The following GPD1L variants were observed in gnomAD, a reference collection of about 807,000 sequenced individuals.
GPD1L encodes the protein glycerol-3-phosphate dehydrogenase 1 like, also known as glycerol-3-phosphate dehydrogenase 1-like protein.
Under a neutral mutation model 32.9 loss-of-function variants are expected in GPD1L, and 17 were observed. That is an observed-to-expected ratio of 0.52 (90% confidence interval 0.35 to 0.78). The LOEUF (loss-of-function observed/expected upper bound fraction) is 0.78. Ranked by LOEUF, GPD1L falls within the 30% of genes least tolerant of loss-of-function variation. The probability of loss-of-function intolerance (pLI) is 0.01; values close to 1 mark genes in which losing one functional copy is unlikely to be tolerated. For missense variants in GPD1L, 361 were observed against 447.8 expected (o/e 0.81, Z 1.75); for synonymous variants, 187 against 165.9 (o/e 1.13, Z -0.98).
At chr3:32,129,565 G>T (rs1700558046) in intron 2 of GPD1L, among the ~76,000 whole-genome samples, 2 of 152,168 alleles carry the variant, frequency 1.3e-5, no homozygotes, top group Admixed American at 1.3e-4. Context: ...CTTGTCCAGG[G>T]TCACACAGCT....
At chr3:32,115,284 T>C (rs9880273) in intron 1 of GPD1L, among the ~76,000 whole-genome samples, 61,559 of 151,106 alleles carry the variant, frequency 0.41, 14,163 homozygotes, top group East Asian at 0.64. Flanking sequence ...CTGACTGGTG[T>C]GTTTTTCCAG....
rs535903516 is a variant in GPD1L at position 32,154,663 on chromosome 3, G to A, written c.619-4213G>A. Among the ~76,000 whole-genome samples, 52 of 152,214 alleles carry A rather than the reference G, an allele frequency of 3.4e-4. No individual in the cohort carries two copies. The South Asian group carries it at 0.01, about 30-fold the overall frequency. ...ACCTGCCCTGTGACAATGTTGTGAG[G>A]TTTAAATGAGGTAATAATATATGAA... On this transcript the variant is annotated intron_variant, in intron 5 of 7. Transcript: ENST00000282541.
At chr3:32,133,012 T>C (rs1700608467) in intron 2 of GPD1L, among the ~76,000 whole-genome samples, 1 of 152,202 alleles carries the variant, frequency 6.6e-6, no homozygotes, top group Non-Finnish European at 1.5e-5. Flanking sequence ...AATTACGCTA[T>C]TTTTGAGCCT....
chr3:32,158,497 G>A (rs942256021), intron 5 of GPD1L: 13 of 341,132 alleles, frequency 3.8e-5, no homozygotes, highest in Non-Finnish European at 7.3e-5. Flanking sequence ...CGTGCACTTA[G>A]GATTTGTGTA....
chr3:32,113,438 A>T (rs1700282393), intron 1 of GPD1L, among the ~76,000 whole-genome samples: 1 of 151,540 alleles, frequency 6.6e-6, no homozygotes, highest in Non-Finnish European at 1.5e-5. Flanking sequence ...GCCAAGTAGC[A>T]TCCCCAAGTC....
At chr3:32,129,114 G>T (rs1700553424) in intron 2 of GPD1L, among the ~76,000 whole-genome samples, 1 of 152,190 alleles carries the variant, frequency 6.6e-6, no homozygotes, top group South Asian at 2.1e-4. Flanking sequence ...TTCTTCTGTT[G>T]TCAGATTCAC....
chr3:32,139,351 A>T lies in GPD1L; in HGVS notation c.366+624A>T, dbSNP rs1700707289. Among the ~76,000 whole-genome samples the T allele has an allele frequency of 2.0e-5, 3 of 152,316 alleles. No individual in the cohort carries two copies. In the East Asian group the frequency reaches 5.8e-4, roughly 29 times the overall value. On this transcript the variant is annotated intron_variant, in intron 3 of 7. Transcript: ENST00000282541. ...TTTCTGATATCTCAAGGTATCATTT[A>T]TACTCATCACTACTTGGAAATTGTG...
Position 32,138,712 on chromosome 3 carries a change from A to C in GPD1L, c.351A>C (p.Gly117=). ...GGAGAGTGCCCAAGAAAGCGCTGGGAATCACCCTCATCAAGGTAACTCGAG... is the reference window on the plus strand; with the variant it reads ...GGAGAGTGCCCAAGAAAGCGCTGGGCATCACCCTCATCAAGGTAACTCGAG... ...ITGRVPKKAL[G]ITLIKGIDEG... Residue 117 remains glycine (G), a synonymous_variant, in exon 3 of 8, where the codon GGA becomes GGC. Coordinates refer to ENST00000282541, the MANE Select transcript of GPD1L (RefSeq NM_015141.4). 1 of 1,614,052 alleles carries C rather than the reference A, an allele frequency of 6.2e-7. No individual in the cohort carries two copies. Among genetic ancestry groups the C allele is most frequent in the Admixed American group, 1.7e-5 (1 of 60,000 alleles).
Position 32,138,623 on chromosome 3 carries a change from G to A in GPD1L, c.262G>A (p.Ala88Thr), listed in dbSNP as rs1700699304. The change falls in exon 3 of 8, where the codon GCA (alanine) becomes ACA (threonine). Residue 88 changes from alanine (A) to threonine (T), a missense_variant. Physicochemically the swap from Ala to Thr is moderately conservative, Grantham distance 58. Transcript: ENST00000282541. ...MSNLSEAVQD[A>T]DLLVFVIPHQ... ...AAATCTTAGCGAGGCTGTGCAGGAT[G>A]CAGACCTGCTGGTGTTTGTCATTCC... The A allele has an allele frequency of 6.2e-7, 1 of 1,613,886 alleles. No homozygotes were observed. The highest frequency in any genetic ancestry group is 1.3e-5 in the African/African-American group (1 of 75,044).
chr3:32,125,027 T>G (rs1057227402), intron 1 of GPD1L, among the ~76,000 whole-genome samples: 5 of 132,284 alleles, frequency 3.8e-5, no homozygotes, highest in African/African-American at 1.5e-4. Flanking sequence ...CCCGCCACCC[T>G]TGCCAAAAAA....
chr3:32,151,216 TC>T (rs569277659), intron 5 of GPD1L: 549 of 604,192 alleles, frequency 9.1e-4, no homozygotes, highest in Admixed American at 2.0e-3. Flanking sequence ...TTGGCTTCCT[TC>T]TTTTTCTGAT....
chr3:32,141,248 A>G (rs766905514), intron 4 of GPD1L, among the ~76,000 whole-genome samples: 39 of 152,144 alleles, frequency 2.6e-4, no homozygotes, highest in African/African-American at 4.8e-4. Flanking sequence ...TATACGTAGG[A>G]CTTTTTAGGA....
At chr3:32,153,335 A>G (rs1700945651) in intron 5 of GPD1L, among the ~76,000 whole-genome samples, 1 of 152,272 alleles carries the variant, frequency 6.6e-6, no homozygotes, top group Admixed American at 6.5e-5. Context: ...ATTAATTAAA[A>G]TTCTTAAAAA....
rs951273802 is a variant in GPD1L at position 32,146,676 on chromosome 3, A to G, written c.560A>G (p.Asn187Ser). 4.3e-6 allele frequency: 7 copies of G among 1,613,848 alleles called. No homozygotes were observed. Among genetic ancestry groups the G allele is most frequent in the Non-Finnish European group, 5.9e-6 (7 of 1,179,812 alleles). ...LLFKELLQTPNFRITVVDDAD... is the reference protein window; with the variant it reads ...LLFKELLQTPSFRITVVDDAD... ...TTCAAAGAACTTCTGCAGACTCCAAATTTTCGAATTACCGTGGTTGATGAT... is the reference window on the plus strand; with the variant it reads ...TTCAAAGAACTTCTGCAGACTCCAAGTTTTCGAATTACCGTGGTTGATGAT... Residue 187 changes from asparagine to serine, a missense_variant, in exon 5 of 8, where the codon AAT becomes AGT. Coordinates refer to ENST00000282541, the MANE Select transcript of GPD1L (RefSeq NM_015141.4).
chr3:32,133,924 T>C (rs1301129851), intron 2 of GPD1L, among the ~76,000 whole-genome samples: 1 of 152,244 alleles, frequency 6.6e-6, no homozygotes, highest in African/African-American at 2.4e-5. Context: ...AGGTTTTTAT[T>C]AACTTAGACT....
chr3:32,155,918 G>A (rs535402408), intron 5 of GPD1L, among the ~76,000 whole-genome samples: 35 of 152,278 alleles, frequency 2.3e-4, no homozygotes, highest in Admixed American at 5.9e-4. Context: ...TACCGCTTCC[G>A]TCTCCTTGTA....
chr3:32,111,127 A>G (rs565596505), intron 1 of GPD1L, among the ~76,000 whole-genome samples: 1 of 152,324 alleles, frequency 6.6e-6, no homozygotes, highest in East Asian at 1.9e-4. Context: ...TGGCCTCCCA[A>G]AGTGCTGGGA....
In GPD1L at chr3:32,138,964, G is replaced by T. The variant is rs536623760; in HGVS notation, c.366+237G>T. ...CAGCAGTGATGTGAAGAGCTGTGCC[G>T]CCCCTTCCAGTCCACTCTCGGGGCT... On this transcript the variant is annotated intron_variant, in intron 3 of 7. Transcript: ENST00000282541. Among the ~76,000 whole-genome samples, 179 of 152,204 alleles carry T rather than the reference G, an allele frequency of 1.2e-3. 3 individuals carry two copies. Among genetic ancestry groups the T allele is most frequent in the Middle Eastern group, 6.8e-3 (2 of 294 alleles).
At chr3:32,157,011 G>C (rs549616814) in intron 5 of GPD1L, among the ~76,000 whole-genome samples, 11 of 152,232 alleles carry the variant, frequency 7.2e-5, no homozygotes, top group African/African-American at 2.2e-4. Context: ...GGGGGGCATT[G>C]AGTGTTCTTG....
Sources: allele counts gnomAD v4.1 joint callset (sites outside exome capture counted in the v4.1 genomes callset), GRCh38; gene constraint gnomAD v4.1.1; transcripts MANE v1.5; gene names NCBI Gene and HGNC (gene_info 2026-07-23, HGNC 2026-07-21).